The following USP36 variants were observed in gnomAD, a reference collection of about 807,000 sequenced individuals.
USP36 encodes the protein ubiquitin carboxyl-terminal hydrolase 36.
USP36 carries 59 observed loss-of-function variants against 111.5 expected under a neutral mutation model. That is an observed-to-expected ratio of 0.53 (90% CI 0.43 to 0.66). The LOEUF is 0.66. Ranked by LOEUF, USP36 falls within the 30% of genes least tolerant of loss-of-function variation. USP36 has a pLI of 0.00. For synonymous variants in USP36, 628 were observed against 581.0 expected, an observed-to-expected ratio of 1.08 and a Z score of -1.16; for missense variants, 1,488 against 1,468.0, an observed-to-expected ratio of 1.01 and a Z score of -0.22.
chr17:78,838,054 C>A (rs938852180), intron 2 of USP36, among the ~76,000 whole-genome samples: 5 of 152,080 alleles, frequency 3.3e-5, no homozygotes, highest in African/African-American at 1.2e-4. Context: ...CTGTGAATAG[C>A]CAGTGCAGTC....
intron 10 of USP36, 41 bp downstream of exon 10, chr17:78,818,626 T>C (rs577467396): frequency 6.4e-7 from 1 of 1,565,240 alleles, no homozygotes; most frequent in South Asian, 1.1e-5. Flanking sequence ...ATGCCGACTG[T>C]GGCCCACGGA....
rs201302268 is a variant in USP36 at position 78,807,184 on chromosome 17, G to A, written c.1860C>T (p.Ser620=). The part of the protein sequence containing the change: ...SSSSSPEHSA[S]SDSTKAPQTP... Reference sequence around the variant, plus strand: ...TCTGGGGGGCCTTGGTGGAGTCGCTGCTGGCCGAGTGCTCTGGGCTGGAGC... The same window carrying A: ...TCTGGGGGGCCTTGGTGGAGTCGCTACTGGCCGAGTGCTCTGGGCTGGAGC... Residue 620 remains serine (S), a synonymous_variant, in exon 14 of 21, where the codon AGC becomes AGT. Coordinates refer to ENST00000449938, the MANE Select transcript of USP36 (RefSeq NM_001385174.1). 5.0e-5 allele frequency: 81 copies of A among 1,614,140 alleles called. No individual in the cohort carries two copies. Among genetic ancestry groups the A allele is most frequent in the Non-Finnish European group, 6.4e-5 (75 of 1,180,002 alleles).
chr17:78,823,995 G>C (rs1017629219), intron 6 of USP36, among the ~76,000 whole-genome samples: 9 of 152,206 alleles, frequency 5.9e-5, no homozygotes, highest in Admixed American at 1.3e-4. Context: ...ATGCAAACTA[G>C]CTCCAGAAAA....
chr17:78,806,336 G>A (rs1273039503), intron 14 of USP36, 50 bp from the exon 15 acceptor site: 29 of 1,609,620 alleles, frequency 1.8e-5, no homozygotes, highest in South Asian at 6.6e-5. Context: ...AAAGGTTTCC[G>A]TGAGTGAAGA....
Position 78,827,226 on chromosome 17 carries a change from TG to T in USP36, c.689+18del. The T allele has an allele frequency of 1.6e-6, 1 of 619,616 alleles. No homozygotes were observed. 38.4% of individuals were successfully genotyped at this position (619,616 alleles called of 1,614,324 possible). On this transcript the variant is annotated intron_variant, in intron 6 of 20. Coordinates refer to ENST00000449938, the MANE Select transcript of USP36 (RefSeq NM_001385174.1). ...AAAGGTGTCCAAAGCCCTGGGAGGG[TG>T]GGTGGGGAAGCACGCACTTGGCACA...
At chr17:78,802,605 C>T (rs552038490) in intron 16 of USP36, 70 bp from the exon 17 acceptor site, 9 of 1,453,652 alleles carry the variant, frequency 6.2e-6, no homozygotes, top group East Asian at 4.8e-5. Context: ...CACAGACACC[C>T]GCCTGCAACA....
At chr17:78,818,027 G>A (rs990855992) in intron 10 of USP36, among the ~76,000 whole-genome samples, 4 of 152,216 alleles carry the variant, frequency 2.6e-5, no homozygotes, top group African/African-American at 9.6e-5. Context: ...CAAGACTGTA[G>A]TGAGCGCTGA....
chr17:78,788,256 C>G (rs1221066697), intron 3 of USP36, among the ~76,000 whole-genome samples: 1 of 152,032 alleles, frequency 6.6e-6, no homozygotes, highest in East Asian at 1.9e-4. Flanking sequence ...CCTCCGCCTC[C>G]CAGGTTCAAG....
intron 10 of USP36, among the ~76,000 whole-genome samples, chr17:78,817,995 G>A (rs568497158): frequency 1.3e-5 from 2 of 152,242 alleles, no homozygotes; most frequent in South Asian, 4.1e-4. Context: ...TAAGGCAGGG[G>A]GATCGCTTGA....
chr17:78,830,594 A>G (rs1000585457), intron 4 of USP36, among the ~76,000 whole-genome samples: 2 of 152,226 alleles, frequency 1.3e-5, no homozygotes, highest in African/African-American at 4.8e-5. Context: ...TACACAGTGC[A>G]TTACCTATTA....
At position 78,815,983 on chromosome 17, in the gene USP36, G is replaced by A. The variant is rs368065522; in HGVS notation, c.1024-1431C>T. On this transcript the variant is annotated intron_variant, in intron 10 of 20. Coordinates refer to ENST00000449938, the MANE Select transcript of USP36 (RefSeq NM_001385174.1). ...ATATACATACACACACATATAATAC[G>A]TGCACACACATATATACATACATGC... 2.8e-4 allele frequency among the ~76,000 whole-genome samples: 42 copies of A among 151,622 alleles called. No individual in the cohort carries two copies. In the East Asian group the frequency reaches 7.0e-3, roughly 25 times the overall value.
In USP36 at chr17:78,803,988, C is replaced by T. The variant is rs1598987466; in HGVS notation, c.2217-10G>A. The T allele has an allele frequency of 3.8e-6, 6 of 1,565,486 alleles. No individual in the cohort carries two copies. Among genetic ancestry groups the T allele is most frequent in the Non-Finnish European group, 5.2e-6 (6 of 1,157,406 alleles). ...AGCAGGTGACACAGCCCTGTGGGGACAGCCAGGAAACAGGGAGAGGATGTT... is the reference window on the plus strand; with the variant it reads ...AGCAGGTGACACAGCCCTGTGGGGATAGCCAGGAAACAGGGAGAGGATGTT... On this transcript the variant is annotated splice_polypyrimidine_tract_variant and intron_variant, in intron 15 of 20. Transcript: ENST00000449938. This position sits in a 1 kb window ranked among gnomAD's most constrained non-coding sequence, Gnocchi z 4.6.
intron 17 of USP36, among the ~76,000 whole-genome samples, chr17:78,800,285 A>G (rs1229836931): frequency 6.6e-6 from 1 of 152,190 alleles, no homozygotes; most frequent in African/African-American, 2.4e-5. Context: ...CTGGATGGCC[A>G]CAGGGGTGGA....
intron 15 of USP36, among the ~76,000 whole-genome samples, chr17:78,804,453 C>A (rs1352376188): frequency 1.4e-5 from 2 of 143,172 alleles, no homozygotes; most frequent in Non-Finnish European, 3.0e-5. Context: ...AAGCAAGACT[C>A]CGTCTCAAAA....
At chr17:78,837,826 G>A (rs950301335) in intron 2 of USP36, among the ~76,000 whole-genome samples, 14 of 152,236 alleles carry the variant, frequency 9.2e-5, no homozygotes, top group South Asian at 2.1e-4. Context: ...TCTAGTGAAA[G>A]TAAGGACTTC....
intron 12 of USP36, among the ~76,000 whole-genome samples, chr17:78,813,272 C>CCT (rs1488640879): frequency 9.1e-6 from 1 of 109,444 alleles, no homozygotes; most frequent in Non-Finnish European, 2.1e-5. Context: ...AAAGCAAGAA[C>CCT]CTCAAACACC....
intron 4 of USP36, among the ~76,000 whole-genome samples, chr17:78,831,910 T>A (rs1179859595): frequency 1.6e-5 from 2 of 127,838 alleles, no homozygotes; most frequent in Non-Finnish European, 3.1e-5. Context: ...ACCACTGGAC[T>A]CCAGCCTGCG....
chr17:78,794,197 C>T (rs8073626), downstream of USP36, among the ~76,000 whole-genome samples: 71,077 of 152,114 alleles, frequency 0.47, 17,380 homozygotes, highest in Non-Finnish European at 0.54. Context: ...GCCAACCTGG[C>T]GGCTGGTCAT....
At chr17:78,790,737 G>T (rs1271330138), downstream of USP36, among the ~76,000 whole-genome samples, 1 of 152,162 alleles carries the variant, frequency 6.6e-6, no homozygotes, top group Non-Finnish European at 1.5e-5. Context: ...TTATGTAAAA[G>T]AACTTGAATT....
Sources: allele counts gnomAD v4.1 joint callset (sites outside exome capture counted in the v4.1 genomes callset), GRCh38; gene constraint gnomAD v4.1.1; non-coding constraint Gnocchi (gnomAD v3.1); transcripts MANE v1.5; gene names NCBI Gene and HGNC (gene_info 2026-07-23, HGNC 2026-07-21).